RAB11FIP2: variants seen among roughly 807,000 people sequenced by gnomAD.
RAB11FIP2 encodes the protein rab11 family-interacting protein 2.
In RAB11FIP2, 16 loss-of-function variants were observed where a neutral mutation model predicts 40.9. That is an observed-to-expected ratio of 0.39 (90% CI 0.26 to 0.59). The LOEUF (loss-of-function observed/expected upper bound fraction) is 0.59, where lower values mean the gene tolerates loss of function less well. Ranked by LOEUF, RAB11FIP2 falls within the 20% of genes least tolerant of loss-of-function variation. The pLI, the probability that RAB11FIP2 is intolerant of heterozygous loss-of-function variation, is 0.53. For missense variants in RAB11FIP2, 532 were observed against 606.2 expected, an observed-to-expected ratio of 0.88 and a Z score of 1.28; for synonymous variants, 228 against 213.7, an observed-to-expected ratio of 1.07 and a Z score of -0.58.
At chr10:118,010,394 A>G (rs1241757544) in intron 4 of RAB11FIP2, among the ~76,000 whole-genome samples, 1 of 152,088 alleles carries the variant, frequency 6.6e-6, no homozygotes, top group East Asian at 1.9e-4. Context: ...TCAGTGGAGG[A>G]TGGGGAATGG....
At chr10:118,024,778 C>G (rs1846323493) in intron 3 of RAB11FIP2, among the ~76,000 whole-genome samples, 1 of 152,138 alleles carries the variant, frequency 6.6e-6, no homozygotes, top group Non-Finnish European at 1.5e-5. Flanking sequence ...TGGCCAAAAG[C>G]ATCCCAAGCT....
At chr10:118,015,938 A>C (rs1846214348) in intron 3 of RAB11FIP2, among the ~76,000 whole-genome samples, 1 of 152,158 alleles carries the variant, frequency 6.6e-6, no homozygotes, top group Non-Finnish European at 1.5e-5. Context: ...TGCACAAAAC[A>C]ACAACTGTAA....
At chr10:118,016,579 G>GATT (rs1846222303) in intron 3 of RAB11FIP2, among the ~76,000 whole-genome samples, 1 of 152,148 alleles carries the variant, frequency 6.6e-6, no homozygotes, top group Non-Finnish European at 1.5e-5. Flanking sequence ...GGTCCAGTGG[G>GATT]ATTAATCTCT....
At chr10:118,037,434 C>T (rs1161641288) in intron 3 of RAB11FIP2, among the ~76,000 whole-genome samples, 1 of 152,046 alleles carries the variant, frequency 6.6e-6, no homozygotes, top group Non-Finnish European at 1.5e-5. Context: ...TGAGAGGGCA[C>T]AGCCTAAAAG....
chr10:118,031,810 C>T lies in RAB11FIP2; in HGVS notation c.1265+7162G>A, dbSNP rs576482448. On this transcript the variant is annotated intron_variant, in intron 3 of 4. Transcript: ENST00000355624. ...TTACAGAACATACCATTTAGTTATT[C>T]AGGAGTAGTTAAGAATTTGCTACAT... 1.1e-4 allele frequency among the ~76,000 whole-genome samples: 16 copies of T among 152,106 alleles called. No homozygotes were observed. The South Asian group carries it at 3.3e-3, about 32-fold the overall frequency.
intron 3 of RAB11FIP2, among the ~76,000 whole-genome samples, chr10:118,020,936 A>C (rs1390764577): frequency 1.3e-5 from 2 of 152,210 alleles, no homozygotes; most frequent in Non-Finnish European, 2.9e-5. Flanking sequence ...CATATGAATT[A>C]CCTATACTTT....
intron 3 of RAB11FIP2, among the ~76,000 whole-genome samples, chr10:118,016,332 A>C (rs1846219926): frequency 6.6e-6 from 1 of 152,208 alleles, no homozygotes; most frequent in African/African-American, 2.4e-5. Flanking sequence ...CACCAGTTAA[A>C]GGCCTGTGTG....
chr10:118,038,637 A>C (rs781658674), intron 3 of RAB11FIP2, among the ~76,000 whole-genome samples: 4 of 151,956 alleles, frequency 2.6e-5, no homozygotes, highest in Non-Finnish European at 5.9e-5. Context: ...TTATCACCTA[A>C]ATTTCTGGCT....
chr10:118,021,689 C>A (rs1846285225), intron 3 of RAB11FIP2, among the ~76,000 whole-genome samples: 1 of 152,210 alleles, frequency 6.6e-6, no homozygotes. Flanking sequence ...ACTAAAATCA[C>A]CTCACTCTTT....
rs1219172193 is a variant in RAB11FIP2 at position 118,016,286 on chromosome 10, TAG to T, written c.1266-1178_1266-1177del. Among the ~76,000 whole-genome samples the T allele has an allele frequency of 2.0e-5, 3 of 152,138 alleles. No individual in the cohort carries two copies. In the East Asian group the frequency reaches 5.8e-4, roughly 29 times the overall value. On this transcript the variant is annotated intron_variant, in intron 3 of 4. Transcript: ENST00000355624. ...TATTTCAGCAGAGCTGGGTTGCATG[TAG>T]AGAGAGTGAAACATGTTTTAAAAAC...
intron 3 of RAB11FIP2, among the ~76,000 whole-genome samples, chr10:118,016,971 A>G (rs1846227502): frequency 1.3e-5 from 2 of 152,220 alleles, no homozygotes; most frequent in South Asian, 4.1e-4. Flanking sequence ...TATTTCATAA[A>G]CTTTTACATA....
chr10:118,030,177 A>G (rs1846396033), intron 3 of RAB11FIP2, among the ~76,000 whole-genome samples: 1 of 152,300 alleles, frequency 6.6e-6, no homozygotes, highest in South Asian at 2.1e-4. Flanking sequence ...GCAATTAGCA[A>G]AGATTATTAA....
chr10:118,027,863 A>G (rs1589643615), intron 3 of RAB11FIP2, among the ~76,000 whole-genome samples: 1 of 152,152 alleles, frequency 6.6e-6, no homozygotes, highest in African/African-American at 2.4e-5. Context: ...AGAGTTGTCT[A>G]TCTAGTCATG....
chr10:118,041,794 A>T (rs932087258), intron 1 of RAB11FIP2, among the ~76,000 whole-genome samples: 3 of 152,172 alleles, frequency 2.0e-5, no homozygotes, highest in Non-Finnish European at 4.4e-5. Context: ...ACATGGAAGA[A>T]AAATATTTTC....
At chr10:118,044,792 A>G (rs1321620504) in intron 1 of RAB11FIP2, among the ~76,000 whole-genome samples, 1 of 152,164 alleles carries the variant, frequency 6.6e-6, no homozygotes, top group Non-Finnish European at 1.5e-5. Context: ...ATTGTAAGAA[A>G]GTTTTTTAAA....
intron 3 of RAB11FIP2, among the ~76,000 whole-genome samples, chr10:118,034,879 A>T (rs113050363): frequency 0.015 from 2,295 of 152,282 alleles, 22 homozygotes; most frequent in African/African-American, 0.022. Flanking sequence ...CAAGCTGATT[A>T]GGCATCAATG....
At chr10:118,014,887 T>C (rs1846197773) in intron 4 of RAB11FIP2, among the ~76,000 whole-genome samples, 178 bp downstream of exon 4, 1 of 152,198 alleles carries the variant, frequency 6.6e-6, no homozygotes, top group Non-Finnish European at 1.5e-5. Flanking sequence ...CCCTATTGTA[T>C]ATTAAAGGCA....
intron 3 of RAB11FIP2, among the ~76,000 whole-genome samples, chr10:118,034,939 G>A (rs1000393539): frequency 6.6e-6 from 1 of 152,150 alleles, no homozygotes; most frequent in East Asian, 1.9e-4. Context: ...TTCCTTCTGC[G>A]TATACAGCTA....
In RAB11FIP2 at chr10:118,046,183, C is replaced by A. The variant is rs749240351; in HGVS notation, c.-20G>T. 6.2e-7 allele frequency: 1 copy of A among 1,602,162 alleles called. No homozygotes were observed. Among genetic ancestry groups the A allele is most frequent in the Non-Finnish European group, 8.5e-7 (1 of 1,171,532 alleles). ...CATCATCCTGTCCTGTTTCTCTGCC[C>A]CCGAGTTCCCTAGCACAGGCAGTGC... On this transcript the variant is annotated 5_prime_UTR_variant, in exon 1 of 5. Transcript: ENST00000355624.
Sources: allele counts gnomAD v4.1 joint callset (sites outside exome capture counted in the v4.1 genomes callset), GRCh38; gene constraint gnomAD v4.1.1; transcripts MANE v1.5; gene names NCBI Gene and HGNC (gene_info 2026-07-23, HGNC 2026-07-21).